The following USH2A variants were observed in gnomAD, a reference collection of about 807,000 sequenced individuals.
USH2A encodes the protein Usher syndrome 2A (autosomal recessive, mild).
USH2A carries 443 observed loss-of-function variants against 538.9 expected under a neutral mutation model. That is an observed-to-expected ratio of 0.82 (90% CI 0.76 to 0.89). The LOEUF (loss-of-function observed/expected upper bound fraction) is 0.89, where lower values mean the gene tolerates loss of function less well. Among genes scored for constraint, USH2A ranks in the 40% least tolerant of loss-of-function variants. The pLI, the probability that USH2A is intolerant of heterozygous loss-of-function variation, is 0.00. For missense variants in USH2A, 6,633 were observed against 6,324.8 expected, an observed-to-expected ratio of 1.05 and a Z score of -1.65; for synonymous variants, 2,413 against 2,273.5, an observed-to-expected ratio of 1.06 and a Z score of -1.75.
At chr1:215,800,912 C>T (rs1354673649) in intron 49 of USH2A, among the ~76,000 whole-genome samples, 1 of 152,152 alleles carries the variant, frequency 6.6e-6, no homozygotes, top group East Asian at 1.9e-4. Flanking sequence ...TTCAAAAGCA[C>T]ATCAAAATGA....
intron 21 of USH2A, among the ~76,000 whole-genome samples, chr1:216,169,463 C>T (rs1156263846): frequency 1.3e-5 from 2 of 152,102 alleles, no homozygotes; most frequent in African/African-American, 4.8e-5. Flanking sequence ...TAATGGTCCT[C>T]TCCCATCTCG....
chr1:215,981,339 T>C (rs1168786430), intron 35 of USH2A, among the ~76,000 whole-genome samples: 1 of 152,170 alleles, frequency 6.6e-6, no homozygotes, highest in Non-Finnish European at 1.5e-5. Flanking sequence ...CTAAATATCA[T>C]CTCTCTTATT....
At chr1:215,627,488 CCTTCCTTCCTTCCTTCT>C in intron 71 of USH2A, among the ~76,000 whole-genome samples, 1 of 146,842 alleles carries the variant, frequency 6.8e-6, no homozygotes, top group Non-Finnish European at 1.5e-5. Context: ...TTCCTTCTTT[CCTTCCTTCCTTCCTTCT>C]TTCCTTCCTT....
intron 32 of USH2A, among the ~76,000 whole-genome samples, chr1:216,009,043 C>T (rs1289890212): frequency 6.6e-6 from 1 of 152,052 alleles, no homozygotes; most frequent in Non-Finnish European, 1.5e-5. Flanking sequence ...AACCTCGTAT[C>T]TCTGTGCCCC....
chr1:216,276,698 A>T (rs763932674), intron 11 of USH2A, among the ~76,000 whole-genome samples: 1 of 152,134 alleles, frequency 6.6e-6, no homozygotes, highest in Non-Finnish European at 1.5e-5. Flanking sequence ...CAATCATGGC[A>T]GAAGGCAAGG....
In USH2A at chr1:216,089,016, T is replaced by A. The variant is rs794727386; in HGVS notation, c.4882A>T (p.Thr1628Ser). 6.2e-7 allele frequency: 1 copy of A among 1,613,262 alleles called. No individual in the cohort carries two copies. The highest frequency in any genetic ancestry group is 1.7e-5 in the Admixed American group (1 of 59,978). Residue 1628 changes from threonine (T) to serine (S), a missense_variant, in exon 23 of 72, where the codon ACA (threonine) becomes TCA (serine). Coordinates refer to ENST00000307340, the MANE Select transcript of USH2A (RefSeq NM_206933.4). ...ATACATATCAAAAAGTACTTACCTGTATATATCCCATCCAGAGTGATTTGG... is the reference window on the plus strand; with the variant it reads ...ATACATATCAAAAAGTACTTACCTGAATATATCCCATCCAGAGTGATTTGG... ...FGQITLDGIYTGSSAILNGST... is the reference protein window; with the variant it reads ...FGQITLDGIYSGSSAILNGST...
chr1:215,819,086 T>C (rs1662937636), intron 47 of USH2A, among the ~76,000 whole-genome samples: 1 of 151,894 alleles, frequency 6.6e-6, no homozygotes, highest in Non-Finnish European at 1.5e-5. Context: ...CACAAATATG[T>C]GTAGCGTACA....
At chr1:216,342,460 T>C (rs894946854) in intron 4 of USH2A, among the ~76,000 whole-genome samples, 11 of 151,998 alleles carry the variant, frequency 7.2e-5, no homozygotes, top group African/African-American at 2.7e-4. Context: ...CCAGAAATAC[T>C]ATTTGACCCA....
intron 32 of USH2A, among the ~76,000 whole-genome samples, chr1:216,039,104 C>T (rs777171063): frequency 1.3e-5 from 2 of 151,978 alleles, no homozygotes; most frequent in Non-Finnish European, 2.9e-5. Flanking sequence ...TACAGCTAAC[C>T]ACAACTGATA....
chr1:216,183,867 A>G (rs967831108), intron 20 of USH2A, among the ~76,000 whole-genome samples: 3 of 152,072 alleles, frequency 2.0e-5, no homozygotes, highest in Non-Finnish European at 4.4e-5. Flanking sequence ...TCATTAGGCA[A>G]TTAAAAAGTA....
At chr1:216,261,091 A>G (rs2036361721) in intron 11 of USH2A, among the ~76,000 whole-genome samples, 1 of 152,180 alleles carries the variant, frequency 6.6e-6, no homozygotes, top group Admixed American at 6.6e-5. Flanking sequence ...TGCAAAATAT[A>G]CAATGTGAAT....
chr1:215,702,921 C>T (rs867656267), intron 61 of USH2A, among the ~76,000 whole-genome samples: 22 of 151,992 alleles, frequency 1.4e-4, no homozygotes, highest in South Asian at 8.3e-4. Flanking sequence ...AGCCTTTTTG[C>T]GCTGGTTTAC....
intron 18 of USH2A, among the ~76,000 whole-genome samples, chr1:216,197,536 G>A (rs1231281626): frequency 3.9e-5 from 6 of 152,088 alleles, no homozygotes; most frequent in South Asian, 2.1e-4. Flanking sequence ...AGCACAATGC[G>A]TATTTTATTC....
chr1:216,036,678 A>C (rs1230278762), intron 32 of USH2A, among the ~76,000 whole-genome samples: 1 of 152,168 alleles, frequency 6.6e-6, no homozygotes, highest in East Asian at 1.9e-4. Context: ...GCACAGATGA[A>C]GCATTTCTAT....
At chr1:215,836,155 G>C (rs1663472931) in intron 47 of USH2A, among the ~76,000 whole-genome samples, 1 of 151,648 alleles carries the variant, frequency 6.6e-6, no homozygotes, top group Non-Finnish European at 1.5e-5. Context: ...TTGAGTCATG[G>C]GGATGCCAGC....
chr1:216,310,472 C>T (rs1179299886), intron 9 of USH2A, among the ~76,000 whole-genome samples: 2 of 152,024 alleles, frequency 1.3e-5, no homozygotes, highest in African/African-American at 4.8e-5. Context: ...TTAATTCTTA[C>T]ATTTGGCCTT....
In USH2A at chr1:216,133,077, G is replaced by A. The variant is rs368302095; in HGVS notation, c.4628-35864C>T. Among the ~76,000 whole-genome samples, 64 of 151,958 alleles carry A rather than the reference G, an allele frequency of 4.2e-4. 1 individual carries two copies. In the South Asian group the frequency reaches 0.013, roughly 30 times the overall value. ...TGGGAAGGGAGAACAAGAGTTCCAAGGTCAAAGAAGTTTAGAAAATACCTA... is the reference window on the plus strand; with the variant it reads ...TGGGAAGGGAGAACAAGAGTTCCAAAGTCAAAGAAGTTTAGAAAATACCTA... On this transcript the variant is annotated intron_variant, in intron 21 of 71. Coordinates refer to ENST00000307340, the MANE Select transcript of USH2A (RefSeq NM_206933.4).
intron 61 of USH2A, among the ~76,000 whole-genome samples, chr1:215,704,589 CCTGT>C (rs1659131387): frequency 1.3e-5 from 2 of 152,134 alleles, no homozygotes; most frequent in Admixed American, 1.3e-4. Flanking sequence ...TCTCCTGCAG[CCTGT>C]CTCTTTGGGC....
intron 37 of USH2A, among the ~76,000 whole-genome samples, chr1:215,963,361 T>C (rs573840791): frequency 6.6e-6 from 1 of 152,200 alleles, no homozygotes; most frequent in South Asian, 2.1e-4. Context: ...AGTGAACCAA[T>C]GACACGAATT....
Sources: allele counts gnomAD v4.1 joint callset (sites outside exome capture counted in the v4.1 genomes callset), GRCh38; gene constraint gnomAD v4.1.1; transcripts MANE v1.5; gene names NCBI Gene and HGNC (gene_info 2026-07-23, HGNC 2026-07-21).